The following SPDYE1 variants were observed in gnomAD, a reference collection of about 807,000 sequenced individuals.
The protein encoded by SPDYE1 is speedy/RINGO cell cycle regulator family member E1.
A neutral mutation model predicts 45.9 loss-of-function variants in SPDYE1; 29 were observed. The ratio of observed to expected loss-of-function variants is 0.63; its 90% CI spans 0.47 to 0.86. The LOEUF (loss-of-function observed/expected upper bound fraction) is 0.86, where lower values mean the gene tolerates loss of function less well. SPDYE1 is among the 40% of genes least tolerant of loss of function. The pLI, the probability that SPDYE1 is intolerant of heterozygous loss-of-function variation, is 0.00. For missense variants in SPDYE1, 346 were observed against 481.4 expected, an observed-to-expected ratio of 0.72 and a Z score of 2.63; for synonymous variants, 134 against 176.8, an observed-to-expected ratio of 0.76 and a Z score of 1.92.
At position 44,007,915 on chromosome 7, in the gene SPDYE1, C is replaced by T. The variant is rs1262482145; in HGVS notation, c.*45+102C>T. 38 of 1,526,658 alleles carry T rather than the reference C, an allele frequency of 2.5e-5. No individual in the cohort carries two copies. The East Asian group carries it at 7.0e-4, about 28-fold the overall frequency. The allele number at this position is 1,526,658 out of a possible 1,614,324, so 94.6% of individuals were successfully genotyped here. A position where few individuals can be genotyped will look rare whatever the true frequency, so the allele number is the denominator to read the frequency against. Reference sequence around the variant, plus strand: ...CCGGCTTCAAGCCTGGGCAACGTGGCGAGATCCCCTCTCCACAAAAATACA... The same window carrying T: ...CCGGCTTCAAGCCTGGGCAACGTGGTGAGATCCCCTCTCCACAAAAATACA... On this transcript the variant is annotated intron_variant, in intron 8 of 8. Coordinates refer to ENST00000693451, the MANE Select transcript of SPDYE1 (RefSeq NM_001378423.2).
In SPDYE1 at chr7:43,999,511, G is replaced by A. The variant is rs1272730137; in HGVS notation, c.-422-17G>A. On this transcript the variant is annotated splice_polypyrimidine_tract_variant and intron_variant, in intron 1 of 8. Transcript: ENST00000693451. ...TTACCCTAGTTTTCTTTCCCACTCT[G>A]TTCCCTCTCCCACCAGACTGGACTC... is the stretch of plus-strand genomic sequence containing the variant. Among the ~76,000 whole-genome samples the A allele has an allele frequency of 6.6e-6, 1 of 151,978 alleles. No individual in the cohort carries two copies. Among genetic ancestry groups the A allele is most frequent in the African/African-American group, 2.4e-5 (1 of 41,362 alleles).
chr7:44,005,677 CAAAAA>C (rs762074535), intron 6 of SPDYE1, among the ~76,000 whole-genome samples: 1 of 92,790 alleles, frequency 1.1e-5, no homozygotes, highest in Non-Finnish European at 2.2e-5. Flanking sequence ...GACTTTTTCT[CAAAAA>C]AAAAAAAAAA....
At chr7:44,004,878 A>C (rs552717117) in intron 5 of SPDYE1, 2 of 512,118 alleles carry the variant, frequency 3.9e-6, no homozygotes, top group Non-Finnish European at 7.0e-6. Context: ...GACACCAGCC[A>C]ACCTAGACAC....
Position 44,009,288 on chromosome 7 carries a change from CTTT to C in SPDYE1, c.*670_*672del, listed in dbSNP as rs1437073999. Reference sequence around the variant, plus strand: ...TTTTCTTTTCATTTTTGAGACAATTCTTTTTATCCTAAATATTTTATCATCTTT... The same window carrying C: ...TTTTCTTTTCATTTTTGAGACAATTCTTATCCTAAATATTTTATCATCTTT... On this transcript the variant is annotated 3_prime_UTR_variant, in exon 9 of 9. Coordinates refer to ENST00000693451, the MANE Select transcript of SPDYE1 (RefSeq NM_001378423.2). 6.7e-6 allele frequency: 1 copy of C among 149,538 alleles called. No individual in the cohort carries two copies. The highest frequency in any genetic ancestry group is 1.5e-5 in the Non-Finnish European group (1 of 68,412). 9.3% of individuals were successfully genotyped at this position (149,538 alleles called of 1,614,324 possible).
chr7:44,007,073 T>A (rs1333335366), intron 6 of SPDYE1, 195 bp from the exon 7 acceptor site: 3 of 1,383,466 alleles, frequency 2.2e-6, no homozygotes, highest in Non-Finnish European at 2.9e-6. Context: ...TTTGTCTCCA[T>A]CCTGAAGGAG....
intron 2 of SPDYE1, among the ~76,000 whole-genome samples, chr7:44,000,392 T>G (rs1585928924): frequency 6.9e-6 from 1 of 145,032 alleles, no homozygotes. Flanking sequence ...GAGGTTGCAG[T>G]GAGCTGAGAT....
chr7:44,005,382 T>C (rs1455028255), intron 6 of SPDYE1, 155 bp downstream of exon 6: 14 of 1,223,938 alleles, frequency 1.1e-5, no homozygotes, highest in Non-Finnish European at 4.7e-6. Flanking sequence ...CTGTTGTTTC[T>C]AAACAGAAAC....
chr7:44,008,072 C>T (rs1282552700), intron 8 of SPDYE1, among the ~76,000 whole-genome samples: 26 of 152,324 alleles, frequency 1.7e-4, no homozygotes, highest in Non-Finnish European at 1.6e-4. Context: ...CCAGTCTGGG[C>T]GACAGAGTGA....
chr7:44,000,246 A>G (rs1180021171), intron 2 of SPDYE1, 137 bp downstream of exon 2: 1 of 961,670 alleles, frequency 1.0e-6, no homozygotes, highest in South Asian at 4.8e-5. Flanking sequence ...TCAGGAGTTC[A>G]AGGCCAGCCT....
chr7:43,999,322 A>G (rs1488300913), intron 1 of SPDYE1, among the ~76,000 whole-genome samples: 10 of 152,200 alleles, frequency 6.6e-5, no homozygotes, highest in Non-Finnish European at 1.5e-5. Context: ...GAATGTGAGT[A>G]AACATTCAGC....
chr7:44,006,144 T>C (rs1334072360), intron 6 of SPDYE1, among the ~76,000 whole-genome samples: 1 of 152,186 alleles, frequency 6.6e-6, no homozygotes, highest in African/African-American at 2.4e-5. Context: ...TGGCTCGCCA[T>C]CTTGGTATTT....
At chr7:44,002,169 G>A (rs1447350636) in intron 3 of SPDYE1, among the ~76,000 whole-genome samples, 5 of 149,432 alleles carry the variant, frequency 3.3e-5, no homozygotes, top group Non-Finnish European at 5.9e-5. Flanking sequence ...TGAGCTGGGC[G>A]TTCTGGTGGG....
Position 44,009,501 on chromosome 7 carries a change from G to A in SPDYE1, c.*880G>A, listed in dbSNP as rs921076266. ...AGAATTCAGTTGTGATTTTTAACATGTGTCAGATATATATACTAACACGTC... is the reference window on the plus strand; with the variant it reads ...AGAATTCAGTTGTGATTTTTAACATATGTCAGATATATATACTAACACGTC... On this transcript the variant is annotated 3_prime_UTR_variant, in exon 9 of 9. Transcript: ENST00000693451. The A allele has an allele frequency of 2.0e-5, 3 of 151,336 alleles. No individual in the cohort carries two copies. Among genetic ancestry groups the A allele is most frequent in the African/African-American group, 7.3e-5 (3 of 41,312 alleles). The allele number at this position is 151,336 out of a possible 1,614,324, so 9.4% of individuals were successfully genotyped here.
At chr7:43,998,382 T>G (rs1007771270) in intron 1 of SPDYE1, among the ~76,000 whole-genome samples, 25 of 151,532 alleles carry the variant, frequency 1.6e-4, no homozygotes, top group Admixed American at 1.6e-3. Flanking sequence ...TGGTGCGATC[T>G]TGGCTCCCTG....
intron 4 of SPDYE1, among the ~76,000 whole-genome samples, chr7:44,003,366 T>A (rs79109860): frequency 3.8e-4 from 58 of 151,312 alleles, no homozygotes; most frequent in African/African-American, 9.2e-4. Context: ...AATAAATAAA[T>A]AAAAATAAAA....
chr7:44,007,347 T>C lies in SPDYE1; in HGVS notation c.832T>C (p.Ser278Pro). The change falls in exon 7 of 9, where the codon TCT becomes CCT. Residue 278 changes from serine (S) to proline (P), a missense_variant. By Grantham distance (74) the Ser-to-Pro change is moderately conservative. Around this residue, in one of 4 missense-constraint regions of SPDYE1, gnomAD observed 186 missense variants for 219.1 expected, o/e 0.85. Transcript: ENST00000693451. ...IFHFLYGKNR[S>P]RIPLLRKRRF... The stretch of plus-strand genomic sequence containing the variant: ...CCACTTCCTGTATGGGAAGAACCGC[T>C]CTCGCATACCCTTGCTCCGTAAGCG... 6 of 1,613,156 alleles carry C rather than the reference T, an allele frequency of 3.7e-6. No individual in the cohort carries two copies. The highest frequency in any genetic ancestry group is 5.1e-6 in the Non-Finnish European group (6 of 1,179,608).
chr7:44,004,216 G>A, intron 5 of SPDYE1: 1 of 487,498 alleles, frequency 2.1e-6, no homozygotes, highest in South Asian at 2.1e-5. Flanking sequence ...TGTGTTTTTA[G>A]TAGAAACGGG....
At position 44,009,710 on chromosome 7, in the gene SPDYE1, C is replaced by T. The variant is rs2096076539; in HGVS notation, c.*1089C>T. 1 of 150,476 alleles carries T rather than the reference C, an allele frequency of 6.6e-6. No homozygotes were observed. Among genetic ancestry groups the T allele is most frequent in the African/African-American group, 2.4e-5 (1 of 41,084 alleles). The allele number at this position is 150,476 out of a possible 1,614,324, so 9.3% of individuals were successfully genotyped here. ...TTGAATAGATGCTGTTTCTATAAAG[C>T]TGTGTGATGGTATTATAACTGTTAT... On this transcript the variant is annotated 3_prime_UTR_variant, in exon 9 of 9. Coordinates refer to ENST00000693451, the MANE Select transcript of SPDYE1 (RefSeq NM_001378423.2).
At chr7:44,008,024 G>C (rs1300566456) in intron 8 of SPDYE1, among the ~76,000 whole-genome samples, 1 of 152,246 alleles carries the variant, frequency 6.6e-6, no homozygotes, top group Non-Finnish European at 1.5e-5. Context: ...AGCCTGGAAG[G>C]TCGGGGCTGC....
Sources: gnomAD v4.1 joint callset for allele counts (sites outside exome capture counted in the v4.1 genomes callset) on GRCh38, gnomAD v4.1.1 for gene constraint, gnomAD v4.1.1 regional missense constraint, MANE v1.5 for transcripts, NCBI Gene and HGNC (gene_info 2026-07-23, HGNC 2026-07-21) for gene names.